The following RNF130 variants were observed in gnomAD, a reference collection of about 807,000 sequenced individuals.
RNF130 encodes E3 ubiquitin-protein ligase RNF130.
In RNF130, 21 loss-of-function variants were observed where a neutral mutation model predicts 44.6. That is an observed-to-expected ratio of 0.47 (90% CI 0.33 to 0.68). The LOEUF (loss-of-function observed/expected upper bound fraction) is 0.68. Ranked by LOEUF, RNF130 falls within the 30% of genes least tolerant of loss-of-function variation. RNF130 has a pLI of 0.02. For synonymous variants in RNF130, 214 were observed against 210.4 expected (o/e 1.02, Z -0.15); for missense variants, 479 against 560.6 (o/e 0.85, Z 1.47).
intron 3 of RNF130, among the ~76,000 whole-genome samples, chr5:180,010,638 G>A (rs1395803531): frequency 6.6e-6 from 1 of 152,182 alleles, no homozygotes; most frequent in Non-Finnish European, 1.5e-5. Flanking sequence ...GGGATTACAG[G>A]TGTGAGCCAC....
chr5:179,997,422 C>T (rs1184476466), intron 3 of RNF130, among the ~76,000 whole-genome samples: 3 of 152,200 alleles, frequency 2.0e-5, no homozygotes, highest in African/African-American at 7.2e-5. Flanking sequence ...CTCCCAGGTT[C>T]AAGCCATTCT....
intron 1 of RNF130, among the ~76,000 whole-genome samples, chr5:180,045,248 T>C (rs1405598024): frequency 2.0e-5 from 3 of 152,224 alleles, no homozygotes; most frequent in Admixed American, 6.5e-5. Flanking sequence ...ATGAAATCTC[T>C]ATTCCACACC....
chr5:179,932,718 C>T (rs999773491), intron 7 of RNF130, among the ~76,000 whole-genome samples: 3 of 151,914 alleles, frequency 2.0e-5, no homozygotes, highest in African/African-American at 7.2e-5. Context: ...CATCTGTAAT[C>T]CCAGCTACTT....
At chr5:179,934,675 C>CCAGA (rs1761862895) in intron 7 of RNF130, among the ~76,000 whole-genome samples, 1 of 151,626 alleles carries the variant, frequency 6.6e-6, no homozygotes, top group Admixed American at 6.6e-5. Flanking sequence ...TCCCAAGTAG[C>CCAGA]CAGACCACAG....
At chr5:179,974,153 C>G (rs550181603) in intron 5 of RNF130, among the ~76,000 whole-genome samples, 1 of 152,312 alleles carries the variant, frequency 6.6e-6, no homozygotes, top group East Asian at 1.9e-4. Context: ...GACAAGAACT[C>G]TCTTCTGCTA....
In RNF130 at chr5:180,029,702, G is replaced by A. The variant is rs368168954; in HGVS notation, c.442+10751C>T. 9.9e-5 allele frequency among the ~76,000 whole-genome samples: 15 copies of A among 152,212 alleles called. No homozygotes were observed. The South Asian group carries it at 3.1e-3, about 32-fold the overall frequency. Reference sequence around the variant, plus strand: ...CTACAGGTGAGTGCTACCACGCCCAGCTCATTTTTGTATTTTTAGTAGAGA... The same window carrying A: ...CTACAGGTGAGTGCTACCACGCCCAACTCATTTTTGTATTTTTAGTAGAGA... On this transcript the variant is annotated intron_variant, in intron 2 of 8. Transcript: ENST00000521389.
intron 3 of RNF130, among the ~76,000 whole-genome samples, chr5:180,007,599 A>G (rs1442818548): frequency 2.0e-5 from 3 of 152,170 alleles, no homozygotes; most frequent in Non-Finnish European, 4.4e-5. Context: ...GCATTTGTCA[A>G]CCTTGGGGAA....
At chr5:180,010,514 C>T (rs1348925596) in intron 3 of RNF130, among the ~76,000 whole-genome samples, 1 of 152,032 alleles carries the variant, frequency 6.6e-6, no homozygotes, top group Non-Finnish European at 1.5e-5. Context: ...CGCATGGCAC[C>T]TTGCCCAGCT....
chr5:179,916,702 G>T (rs1211167675), exon 8 of RNF130: 1 of 152,356 alleles, frequency 6.6e-6, no homozygotes, highest in African/African-American at 2.4e-5. Flanking sequence ...GGGTTGTGAG[G>T]AGTTTTTAGC....
At chr5:179,956,156 C>T (rs186033890) in intron 8 of RNF130, 1 of 153,328 alleles carries the variant, frequency 6.5e-6, no homozygotes, top group Admixed American at 6.5e-5. Flanking sequence ...GGTGTAAAAA[C>T]AGCCTATGAC....
At chr5:179,928,386 G>A (rs1199424022) in intron 7 of RNF130, among the ~76,000 whole-genome samples, 1 of 151,902 alleles carries the variant, frequency 6.6e-6, no homozygotes, top group Non-Finnish European at 1.5e-5. Context: ...CATTCCAGCA[G>A]GTGTATACAC....
At position 180,040,440 on chromosome 5, in the gene RNF130, C is replaced by G; in HGVS notation, c.442+13G>C. ...GAAGAAAAACAAAATCAACAACCCT[C>G]ATTTTTGTTTACCTGGATGAGTCAT... is the stretch of plus-strand genomic sequence containing the variant. On this transcript the variant is annotated intron_variant, in intron 2 of 8. Transcript: ENST00000521389. 4.4e-6 allele frequency: 7 copies of G among 1,602,934 alleles called. No individual in the cohort carries two copies. Among genetic ancestry groups the G allele is most frequent in the Non-Finnish European group, 6.0e-6 (7 of 1,172,966 alleles).
intron 7 of RNF130, among the ~76,000 whole-genome samples, chr5:179,942,625 T>C (rs1328796651): frequency 2.0e-5 from 3 of 152,216 alleles, no homozygotes; most frequent in East Asian, 3.9e-4. Flanking sequence ...CAGAATTCTA[T>C]ACAGCAAAGC....
chr5:179,999,055 C>T, intron 3 of RNF130, among the ~76,000 whole-genome samples: 1 of 151,100 alleles, frequency 6.6e-6, no homozygotes, highest in East Asian at 2.0e-4. Context: ...TGGAATATCG[C>T]TTTGTCACCC....
chr5:180,071,400 C>A, intron 1 of RNF130, 56 bp downstream of exon 1: 1 of 1,228,432 alleles, frequency 8.1e-7, no homozygotes, highest in Non-Finnish European at 1.0e-6. Context: ...ACCCTAGTCC[C>A]GCCGCCTACG....
chr5:179,912,116 T>C (rs976998779), exon 8 of RNF130: 15 of 152,094 alleles, frequency 9.9e-5, no homozygotes, highest in African/African-American at 3.6e-4. Context: ...GTTAGAAAAA[T>C]AGTTTTGTAC....
At chr5:180,042,832 A>C (rs1296890543) in intron 1 of RNF130, among the ~76,000 whole-genome samples, 1 of 152,232 alleles carries the variant, frequency 6.6e-6, no homozygotes, top group Middle Eastern at 3.2e-3. Context: ...TCTCGCATAC[A>C]TGCACAATGT....
At position 180,071,745 on chromosome 5, in the gene RNF130, G is replaced by C. The variant is rs1214158422; in HGVS notation, c.-43C>G. 1.7e-6 allele frequency: 2 copies of C among 1,151,794 alleles called. No homozygotes were observed. The highest frequency in any genetic ancestry group is 3.3e-5 in the African/African-American group (2 of 61,004). 71.3% of individuals were successfully genotyped at this position (1,151,794 alleles called of 1,614,324 possible). A position where few individuals can be genotyped will look rare whatever the true frequency, so the allele number is the denominator to read the frequency against. ...CCGCTGCTCGCGGACCGGGCTCCGG[G>C]GCCGGCGCCTAGAGGCGGGGCGGGC... On this transcript the variant is annotated 5_prime_UTR_variant, in exon 1 of 9. Transcript: ENST00000521389.
chr5:179,935,583 T>TA (rs1465734511), intron 7 of RNF130, among the ~76,000 whole-genome samples: 1 of 152,140 alleles, frequency 6.6e-6, no homozygotes, highest in Admixed American at 6.5e-5. Context: ...TTCTATTCAT[T>TA]ACTAACATGT....
Sources: gnomAD v4.1 joint callset for allele counts (sites outside exome capture counted in the v4.1 genomes callset) on GRCh38, gnomAD v4.1.1 for gene constraint, MANE v1.5 for transcripts, NCBI Gene and HGNC (gene_info 2026-07-23, HGNC 2026-07-21) for gene names.